Variants in RORB observed in about 807,000 individuals in gnomAD.
RORB encodes nuclear receptor ROR-beta.
RORB carries 6 observed loss-of-function variants against 59.1 expected under a neutral mutation model. That is an observed-to-expected ratio of 0.10 (90% confidence interval 0.06 to 0.20). The LOEUF (loss-of-function observed/expected upper bound fraction) is 0.20. RORB is among the 10% of genes least tolerant of loss of function. The pLI, the probability that RORB is intolerant of heterozygous loss-of-function variation, is 1.00. For synonymous variants in RORB, 215 were observed against 204.5 expected (o/e 1.05, Z -0.44); for missense variants, 320 against 560.5 (o/e 0.57, Z 4.33).
At chr9:74,565,026 CTT>C (rs1822448755) in intron 1 of RORB, among the ~76,000 whole-genome samples, 1 of 152,270 alleles carries the variant, frequency 6.6e-6, no homozygotes, top group East Asian at 1.9e-4. Flanking sequence ...AAGAAGATCT[CTT>C]TACTGTAATG....
intron 4 of RORB, among the ~76,000 whole-genome samples, chr9:74,643,838 GT>G (rs1280261152): frequency 6.6e-6 from 1 of 152,188 alleles, no homozygotes; most frequent in Non-Finnish European, 1.5e-5. Context: ...TGCTACCTGA[GT>G]TTAAATCCTG....
intron 7 of RORB, among the ~76,000 whole-genome samples, chr9:74,666,621 C>G (rs1212387800): frequency 6.6e-6 from 1 of 151,740 alleles, no homozygotes; most frequent in African/African-American, 2.4e-5. Context: ...TGACCTCTTG[C>G]GTTTCTTATG....
intron 1 of RORB, among the ~76,000 whole-genome samples, chr9:74,589,348 C>A (rs766354956): frequency 6.6e-6 from 1 of 152,138 alleles, no homozygotes; most frequent in Non-Finnish European, 1.5e-5. Context: ...TATGACTACA[C>A]AGGTTCCCAC....
chr9:74,505,815 G>A (rs1449258635), intron 1 of RORB, among the ~76,000 whole-genome samples: 1 of 151,960 alleles, frequency 6.6e-6, no homozygotes, highest in Non-Finnish European at 1.5e-5. Flanking sequence ...ACCTGATGTA[G>A]CACAAATAAT....
intron 1 of RORB, among the ~76,000 whole-genome samples, chr9:74,624,058 G>T (rs1398268917): frequency 2.0e-5 from 3 of 152,206 alleles, no homozygotes; most frequent in Admixed American, 2.0e-4. Flanking sequence ...ATGTTCATAT[G>T]TAAGATAAAT....
intron 1 of RORB, among the ~76,000 whole-genome samples, chr9:74,557,387 A>G (rs1563936903): frequency 6.6e-6 from 1 of 152,204 alleles, no homozygotes; most frequent in African/African-American, 2.4e-5. Flanking sequence ...AGCCAGCATG[A>G]GGAGCAAGCC....
intron 1 of RORB, among the ~76,000 whole-genome samples, chr9:74,624,451 C>G (rs183322199): frequency 2.6e-5 from 4 of 152,332 alleles, no homozygotes; most frequent in Admixed American, 2.6e-4. Flanking sequence ...CTTTTAGAAT[C>G]ACCACCTTCT....
intron 1 of RORB, among the ~76,000 whole-genome samples, chr9:74,595,315 C>T (rs547301290): frequency 2.0e-5 from 3 of 152,282 alleles, no homozygotes; most frequent in East Asian, 3.9e-4. Context: ...TCATGGCTCA[C>T]CAAAAGTAAG....
chr9:74,608,045 T>A (rs1310541613), intron 1 of RORB, among the ~76,000 whole-genome samples: 1 of 152,172 alleles, frequency 6.6e-6, no homozygotes, highest in African/African-American at 2.4e-5. Context: ...TTTCTCTTCC[T>A]GCACAATGAG....
intron 3 of RORB, among the ~76,000 whole-genome samples, 153 bp from the exon 4 acceptor site, chr9:74,642,261 G>A (rs1030986196): frequency 2.0e-5 from 3 of 152,220 alleles, no homozygotes; most frequent in African/African-American, 7.2e-5. Context: ...TTCCCCAGAT[G>A]TGGAGTGCAA....
chr9:74,685,435 TC>T (rs1454947654), intron 9 of RORB, 27 bp from the exon 10 acceptor site: 1 of 1,575,522 alleles, frequency 6.3e-7, no homozygotes, highest in East Asian at 2.3e-5. Context: ...TCCCTCTCTA[TC>T]TCCCTCTCTG....
chr9:74,600,516 T>TG (rs1396938305), intron 1 of RORB, among the ~76,000 whole-genome samples: 1 of 152,198 alleles, frequency 6.6e-6, no homozygotes, highest in Non-Finnish European at 1.5e-5. Flanking sequence ...CTGGGATCAC[T>TG]GATGGGCTGC....
At chr9:74,601,545 G>A (rs1336607777) in intron 1 of RORB, among the ~76,000 whole-genome samples, 1 of 152,000 alleles carries the variant, frequency 6.6e-6, no homozygotes, top group Admixed American at 6.6e-5. Flanking sequence ...ATAAAAGTTT[G>A]TCTTCCCTCA....
intron 4 of RORB, 62 bp downstream of exon 4, chr9:74,642,877 C>T: frequency 7.6e-7 from 1 of 1,311,080 alleles, no homozygotes; most frequent in Non-Finnish European, 1.0e-6. Context: ...TACCTTGGTC[C>T]TATTTAGTAT....
intron 1 of RORB, among the ~76,000 whole-genome samples, chr9:74,537,920 G>A (rs1563931349): frequency 1.3e-5 from 2 of 151,976 alleles, no homozygotes; most frequent in Non-Finnish European, 2.9e-5. Context: ...ATACAGTAAC[G>A]TCCTAGGCCT....
Position 74,691,085 on chromosome 9 carries a change from G to GTCTATCCTATGCAGCAGATGCA in RORB, c.*5468_*5469insCTATCCTATGCAGCAGATGCAT, listed in dbSNP as rs1824733068. The GTCTATCCTATGCAGCAGATGCA allele has an allele frequency of 6.6e-6, 1 of 152,188 alleles. No homozygotes were observed. The highest frequency in any genetic ancestry group is 1.5e-5 in the Non-Finnish European group (1 of 68,072). 9.4% of individuals were successfully genotyped at this position (152,188 alleles called of 1,614,324 possible). A position where few individuals can be genotyped will look rare whatever the true frequency, so the allele number is the denominator to read the frequency against. ...ATGGATTCCTATGCAGCAGATGGGG[G>GTCTATCCTATGCAGCAGATGCA]TTGTCTGTTTGTGCACTTTTTTCCT... On this transcript the variant is annotated 3_prime_UTR_variant, in exon 10 of 10. Transcript: ENST00000376896.
intron 1 of RORB, among the ~76,000 whole-genome samples, chr9:74,526,217 C>CA (rs1164698134): frequency 3.9e-5 from 6 of 151,968 alleles, no homozygotes; most frequent in Admixed American, 3.9e-4. Context: ...CATCCACTTT[C>CA]ACTTTCACAA....
intron 4 of RORB, among the ~76,000 whole-genome samples, chr9:74,644,064 C>T (rs191841898): frequency 6.6e-6 from 1 of 152,348 alleles, no homozygotes; most frequent in African/African-American, 2.4e-5. Context: ...CCTTCTCTGT[C>T]TAACCTGCAA....
chr9:74,673,838 C>T (rs556058018), intron 9 of RORB, among the ~76,000 whole-genome samples: 1 of 152,318 alleles, frequency 6.6e-6, no homozygotes, highest in East Asian at 1.9e-4. Flanking sequence ...AGCATTGCTT[C>T]TATAGGCCAC....
Sources: gnomAD v4.1 joint callset for allele counts (sites outside exome capture counted in the v4.1 genomes callset) on GRCh38, gnomAD v4.1.1 for gene constraint, MANE v1.5 for transcripts, NCBI Gene and HGNC (gene_info 2026-07-23, HGNC 2026-07-21) for gene names.